Variants in KTN1 observed in about 807,000 individuals in gnomAD.
KTN1 encodes kinectin.
Under a neutral mutation model 222.5 loss-of-function variants are expected in KTN1, and 130 were observed. The ratio of observed to expected loss-of-function variants is 0.58; its 90% confidence interval spans 0.51 to 0.68. The LOEUF is 0.68. KTN1 is among the 30% of genes least tolerant of loss of function. The probability of loss-of-function intolerance (pLI) is 0.00; values close to 1 mark genes in which losing one functional copy is unlikely to be tolerated. For synonymous variants in KTN1, 512 were observed against 496.3 expected (o/e 1.03, Z -0.42); for missense variants, 1,508 against 1,500.4 (o/e 1.01, Z -0.08).
chr14:55,652,432 T>A (rs2043015576), intron 25 of KTN1, among the ~76,000 whole-genome samples: 1 of 141,372 alleles, frequency 7.1e-6, no homozygotes, highest in African/African-American at 2.6e-5. Flanking sequence ...GGAATCTCGC[T>A]CTGTCGCCCA....
intron 8 of KTN1, 98 bp downstream of exon 8, chr14:55,633,439 TG>T (rs1381232727): frequency 1.0e-5 from 7 of 679,074 alleles, no homozygotes; most frequent in Non-Finnish European, 1.6e-5. Context: ...GTTAGACTTT[TG>T]TGTTTTTACA....
chr14:55,679,790 C>T, intron 43 of KTN1, 105 bp downstream of exon 43: 1 of 1,178,400 alleles, frequency 8.5e-7, no homozygotes, highest in Non-Finnish European at 1.2e-6. Context: ...AATATTCCTT[C>T]TTTATCTCTC....
At chr14:55,589,302 G>A (rs775255977) in intron 1 of KTN1, among the ~76,000 whole-genome samples, 6 of 152,122 alleles carry the variant, frequency 3.9e-5, no homozygotes, top group Non-Finnish European at 5.9e-5. Context: ...TTGGTATAAA[G>A]AGATTCTTTT....
chr14:55,681,777 C>G (rs2046391063), intron 43 of KTN1: 1 of 152,112 alleles, frequency 6.6e-6, no homozygotes. Context: ...CTTCTTCATT[C>G]CTTAGGCTCT....
chr14:55,603,401 G>A (rs1235881408), intron 1 of KTN1, among the ~76,000 whole-genome samples: 1 of 152,172 alleles, frequency 6.6e-6, no homozygotes, highest in Non-Finnish European at 1.5e-5. Context: ...AGTAACGTCT[G>A]TGTTGCTAAA....
rs572000433 is a variant in KTN1 at position 55,671,895 on chromosome 14, G to A, written c.3531+18G>A. On this transcript the variant is annotated intron_variant, in intron 37 of 43. Coordinates refer to ENST00000395314, the MANE Select transcript of KTN1 (RefSeq NM_001079521.2). Reference sequence around the variant, plus strand: ...TTAAACAGGTATTTACAAAAGAAAAGCTTAGAGCAGTGGTTCTCGATGTGT... The same window carrying A: ...TTAAACAGGTATTTACAAAAGAAAAACTTAGAGCAGTGGTTCTCGATGTGT... The A allele has an allele frequency of 1.4e-4, 194 of 1,407,142 alleles. No individual in the cohort carries two copies. The South Asian group carries it at 1.8e-3, about 13-fold the overall frequency. The allele number at this position is 1,407,142 out of a possible 1,614,324, so 87.2% of individuals were successfully genotyped here.
Position 55,673,172 on chromosome 14 carries a change from C to T in KTN1, c.3688C>T (p.Leu1230=). 1 of 1,611,294 alleles carries T rather than the reference C, an allele frequency of 6.2e-7. No homozygotes were observed. Among genetic ancestry groups the T allele is most frequent in the Non-Finnish European group, 8.5e-7 (1 of 1,177,868 alleles). The change falls in exon 40 of 44, where the codon CTG becomes TTG. Residue 1230 remains leucine (L), a splice_region_variant and synonymous_variant. Transcript: ENST00000395314. Reference sequence around the variant, plus strand: ...TCTTAAACTCTAAACTTCATTGCAGCTGAAAGATCTGTTGACTGAATTGCA... The same window carrying T: ...TCTTAAACTCTAAACTTCATTGCAGTTGAAAGATCTGTTGACTGAATTGCA... The part of the protein sequence containing the change: ...RSTYVTEVRE[L]KDLLTELQKK...
At chr14:55,584,205 C>T (rs1461233946) in intron 1 of KTN1, among the ~76,000 whole-genome samples, 8 of 151,948 alleles carry the variant, frequency 5.3e-5, no homozygotes, top group African/African-American at 1.9e-4. Context: ...CCACTCTCCT[C>T]ATTCCCCCTT....
chr14:55,635,044 G>A (rs1282999100), intron 9 of KTN1, among the ~76,000 whole-genome samples: 2 of 152,106 alleles, frequency 1.3e-5, no homozygotes, highest in Admixed American at 6.5e-5. Context: ...TTCGAGATGA[G>A]GTTTGGGTGG....
At chr14:55,662,822 G>C in intron 32 of KTN1, 1 of 455,300 alleles carries the variant, frequency 2.2e-6, no homozygotes. Context: ...TAACAGCATT[G>C]CTTAGCCACA....
intron 5 of KTN1, among the ~76,000 whole-genome samples, chr14:55,626,000 C>T (rs544971930): frequency 4.6e-5 from 7 of 152,182 alleles, no homozygotes; most frequent in South Asian, 2.1e-4. Context: ...CTTTGGCATT[C>T]AGTAATTGTA....
At chr14:55,582,671 A>G (rs550963727) in intron 1 of KTN1, among the ~76,000 whole-genome samples, 17 of 152,314 alleles carry the variant, frequency 1.1e-4, no homozygotes, top group African/African-American at 4.1e-4. Flanking sequence ...TAGCAAATGA[A>G]GTTTTAACCT....
Position 55,612,010 on chromosome 14 carries a change from C to G in KTN1, c.-30-9C>G, listed in dbSNP as rs1445150877. 1 of 1,183,826 alleles carries G rather than the reference C, an allele frequency of 8.4e-7. No individual in the cohort carries two copies. Among genetic ancestry groups the G allele is most frequent in the Non-Finnish European group, 1.1e-6 (1 of 894,442 alleles). 73.3% of individuals were successfully genotyped at this position (1,183,826 alleles called of 1,614,324 possible). ...TTTTTTTTTTGTCCCCACCTTCTTCCCTATTTAGGTTTTATAGGATCACAT... is the reference window on the plus strand; with the variant it reads ...TTTTTTTTTTGTCCCCACCTTCTTCGCTATTTAGGTTTTATAGGATCACAT... On this transcript the variant is annotated splice_polypyrimidine_tract_variant and intron_variant, in intron 1 of 43. Transcript: ENST00000395314.
intron 40 of KTN1, 23 bp from the exon 41 acceptor site, chr14:55,675,812 G>C (rs555835167): frequency 6.8e-7 from 1 of 1,470,038 alleles, no homozygotes; most frequent in African/African-American, 1.4e-5. Context: ...TAAGTTAATT[G>C]TGGTGTTCCT....
intron 1 of KTN1, among the ~76,000 whole-genome samples, chr14:55,593,275 TTA>T (rs535498308): frequency 9.7e-4 from 147 of 152,290 alleles, no homozygotes; most frequent in African/African-American, 3.3e-3. Flanking sequence ...ATTCGTGTTT[TTA>T]TATGATTGTT....
chr14:55,628,080 A>G, intron 6 of KTN1, 52 bp downstream of exon 6: 2 of 1,112,318 alleles, frequency 1.8e-6, no homozygotes, highest in Non-Finnish European at 1.3e-6. Context: ...AGAAGCAACA[A>G]AAGATTTTAG....
intron 7 of KTN1, among the ~76,000 whole-genome samples, chr14:55,630,327 T>C (rs2040370866): frequency 6.6e-6 from 1 of 152,128 alleles, no homozygotes; most frequent in South Asian, 2.1e-4. Flanking sequence ...TTTAGAGCAA[T>C]GGTGATGGGA....
At position 55,608,241 on chromosome 14, in the gene KTN1, A is replaced by G. The variant is rs148149578; in HGVS notation, c.-30-3778A>G. ...GTCTCCTCTTTTTTCCTCCTCATGTAATTCTGATGCTCATGGGTAAAATGT... is the reference window on the plus strand; with the variant it reads ...GTCTCCTCTTTTTTCCTCCTCATGTGATTCTGATGCTCATGGGTAAAATGT... On this transcript the variant is annotated intron_variant, in intron 1 of 43. Coordinates refer to ENST00000395314, the MANE Select transcript of KTN1 (RefSeq NM_001079521.2). Among the ~76,000 whole-genome samples, 378 of 152,130 alleles carry G rather than the reference A, an allele frequency of 2.5e-3. 3 individuals carry two copies. Among genetic ancestry groups the G allele is most frequent in the African/African-American group, 8.8e-3 (366 of 41,496 alleles).
chr14:55,646,864 G>T (rs1006256713), intron 18 of KTN1, 109 bp from the exon 19 acceptor site: 13 of 696,674 alleles, frequency 1.9e-5, no homozygotes, highest in Non-Finnish European at 3.3e-5. Flanking sequence ...CCTAAATTTT[G>T]TATCTATTTA....
Sources: gnomAD v4.1 joint callset for allele counts (sites outside exome capture counted in the v4.1 genomes callset) on GRCh38, gnomAD v4.1.1 for gene constraint, MANE v1.5 for transcripts, NCBI Gene and HGNC (gene_info 2026-07-23, HGNC 2026-07-21) for gene names.